The following LHFPL3 variants were observed in gnomAD, a reference collection of about 807,000 sequenced individuals.
The protein encoded by LHFPL3 is LHFPL tetraspan subfamily member 3 protein.
A neutral mutation model predicts 19.3 loss-of-function variants in LHFPL3; 5 were observed. The observed-to-expected ratio is 0.26, with a 90% CI of 0.14 to 0.54. LHFPL3 has a LOEUF of 0.54. Ranked by LOEUF, LHFPL3 falls within the 20% of genes least tolerant of loss-of-function variation. The pLI is 0.94. For missense variants in LHFPL3, 249 were observed against 307.4 expected, an observed-to-expected ratio of 0.81 and a Z score of 1.42; for synonymous variants, 133 against 126.2, an observed-to-expected ratio of 1.05 and a Z score of -0.36.
intron 1 of LHFPL3, among the ~76,000 whole-genome samples, chr7:104,559,506 C>T (rs1789937758): frequency 6.7e-6 from 1 of 149,912 alleles, no homozygotes; most frequent in Non-Finnish European, 1.5e-5. Flanking sequence ...TATAAGAATG[C>T]TTGTGATTTT....
intron 1 of LHFPL3, among the ~76,000 whole-genome samples, chr7:104,495,894 A>G (rs1218873158): frequency 6.6e-6 from 1 of 152,118 alleles, no homozygotes; most frequent in Non-Finnish European, 1.5e-5. Context: ...ACATTATCTC[A>G]TTTAATCCTC....
intron 1 of LHFPL3, among the ~76,000 whole-genome samples, chr7:104,356,448 A>G (rs117869273): frequency 6.6e-4 from 100 of 152,286 alleles, no homozygotes; most frequent in Non-Finnish European, 9.3e-4. Context: ...ACTTTTCCAA[A>G]TCTCTCCATT....
At chr7:104,435,261 A>C (rs1344294193) in intron 1 of LHFPL3, among the ~76,000 whole-genome samples, 2 of 150,948 alleles carry the variant, frequency 1.3e-5, no homozygotes, top group Admixed American at 1.3e-4. Context: ...TCCTGCCTCA[A>C]CCTCCCAAGT....
rs993974075 is a variant in LHFPL3 at position 104,422,024 on chromosome 7, G to A, written c.445+92800G>A. ...AACGGCCCTTACCAGAACCTGACAT[G>A]CTGTCATCCTGGTCTTGGACTTTCA... is the stretch of plus-strand genomic sequence containing the variant. On this transcript the variant is annotated intron_variant, in intron 1 of 2. Transcript: ENST00000424859. Among the ~76,000 whole-genome samples the A allele has an allele frequency of 3.3e-5, 5 of 152,162 alleles. No individual in the cohort carries two copies. The South Asian group carries it at 8.3e-4, about 25-fold the overall frequency.
At chr7:104,653,237 G>GA (rs974066135) in intron 1 of LHFPL3, among the ~76,000 whole-genome samples, 28 of 152,350 alleles carry the variant, frequency 1.8e-4, no homozygotes, top group African/African-American at 5.5e-4. Flanking sequence ...GCCCAGTGGA[G>GA]AAGAGGGGTC....
chr7:104,352,350 C>T (rs1010821493), intron 1 of LHFPL3, among the ~76,000 whole-genome samples: 21 of 152,116 alleles, frequency 1.4e-4, no homozygotes, highest in Admixed American at 5.9e-4. Flanking sequence ...TACTTTTGCA[C>T]GTAAAATTCT....
At chr7:104,675,073 T>C (rs548360980) in intron 1 of LHFPL3, among the ~76,000 whole-genome samples, 1 of 152,260 alleles carries the variant, frequency 6.6e-6, no homozygotes, top group South Asian at 2.1e-4. Context: ...AGTAAGTAAA[T>C]GTATGTGTCA....
intron 2 of LHFPL3, among the ~76,000 whole-genome samples, chr7:104,863,473 G>A (rs1042015852): frequency 1.1e-4 from 16 of 152,186 alleles, no homozygotes; most frequent in African/African-American, 3.1e-4. Context: ...TGTTCCAGGG[G>A]TCTTATCTCT....
intron 1 of LHFPL3, among the ~76,000 whole-genome samples, chr7:104,692,923 C>A (rs916324811): frequency 6.6e-6 from 1 of 152,128 alleles, no homozygotes; most frequent in Non-Finnish European, 1.5e-5. Context: ...TGACAACTAG[C>A]ACCATGCAAC....
Position 104,682,879 on chromosome 7 carries a change from G to C in LHFPL3, c.446-53796G>C, listed in dbSNP as rs1032048066. Among the ~76,000 whole-genome samples the C allele has an allele frequency of 2.0e-5, 3 of 152,186 alleles. No individual in the cohort carries two copies. The East Asian group carries it at 5.8e-4, about 29-fold the overall frequency. On this transcript the variant is annotated intron_variant, in intron 1 of 2. Transcript: ENST00000424859. ...ATATATGACTATAAAAGCAATACATGCTTGCTGTAGACAAGTTAGAAAACA... is the reference window on the plus strand; with the variant it reads ...ATATATGACTATAAAAGCAATACATCCTTGCTGTAGACAAGTTAGAAAACA...
intron 2 of LHFPL3, among the ~76,000 whole-genome samples, chr7:104,758,078 T>C (rs1376695380): frequency 6.6e-6 from 1 of 152,164 alleles, no homozygotes; most frequent in East Asian, 1.9e-4. Context: ...CTGGAGGCCA[T>C]CATCCTAAGC....
At chr7:104,842,141 A>G (rs755033262) in intron 2 of LHFPL3, among the ~76,000 whole-genome samples, 2 of 150,412 alleles carry the variant, frequency 1.3e-5, no homozygotes, top group Admixed American at 6.7e-5. Context: ...CATAACCAGC[A>G]TGTCTGTTCT....
intron 1 of LHFPL3, among the ~76,000 whole-genome samples, chr7:104,333,237 C>T (rs1801604189): frequency 6.6e-6 from 1 of 152,180 alleles, no homozygotes; most frequent in Admixed American, 6.5e-5. Context: ...CCCATGTGTT[C>T]ACCATATTAG....
intron 1 of LHFPL3, among the ~76,000 whole-genome samples, chr7:104,374,809 G>T (rs1177570383): frequency 1.3e-5 from 2 of 152,148 alleles, no homozygotes; most frequent in African/African-American, 4.8e-5. Flanking sequence ...GCTTTTTAGG[G>T]CAGGCTTTAT....
intron 1 of LHFPL3, among the ~76,000 whole-genome samples, chr7:104,435,174 GCT>G (rs1767325902): frequency 6.6e-6 from 1 of 152,036 alleles, no homozygotes; most frequent in South Asian, 2.1e-4. Context: ...ACAGGTTCTT[GCT>G]CTGTAACCCA....
At chr7:104,556,615 G>GCA (rs1789840203) in intron 1 of LHFPL3, among the ~76,000 whole-genome samples, 1 of 152,236 alleles carries the variant, frequency 6.6e-6, no homozygotes. Context: ...GGGAGGTGCT[G>GCA]CTGCAAAGGT....
At chr7:104,421,929 CA>C (rs1791741038) in intron 1 of LHFPL3, among the ~76,000 whole-genome samples, 1 of 152,104 alleles carries the variant, frequency 6.6e-6, no homozygotes, top group East Asian at 1.9e-4. Context: ...GGAAAGACCC[CA>C]GAGACCTCTC....
At chr7:104,642,988 C>T (rs1584457421) in intron 1 of LHFPL3, among the ~76,000 whole-genome samples, 2 of 152,186 alleles carry the variant, frequency 1.3e-5, no homozygotes, top group East Asian at 3.8e-4. Context: ...TCTTTTTAGT[C>T]TAACTTTAGT....
intron 1 of LHFPL3, among the ~76,000 whole-genome samples, chr7:104,735,303 C>A (rs896322501): frequency 1.3e-5 from 2 of 152,266 alleles, no homozygotes; most frequent in Non-Finnish European, 2.9e-5. Flanking sequence ...TGGCTATGCC[C>A]TGCCCCCAGA....
Sources: gnomAD v4.1 joint callset for allele counts (sites outside exome capture counted in the v4.1 genomes callset) on GRCh38, gnomAD v4.1.1 for gene constraint, MANE v1.5 for transcripts, NCBI Gene and HGNC (gene_info 2026-07-23, HGNC 2026-07-21) for gene names.